ITGA9: variants seen among roughly 807,000 people sequenced by gnomAD.
ITGA9 encodes integrin alpha-9.
In ITGA9, 56 loss-of-function variants were observed where a neutral mutation model predicts 127.8. That is an observed-to-expected ratio of 0.44 (90% CI 0.35 to 0.55). ITGA9 has a LOEUF of 0.55. Ranked by LOEUF, ITGA9 falls within the 20% of genes least tolerant of loss-of-function variation. The pLI is 0.00. For missense variants in ITGA9, 1,196 were observed against 1,347.1 expected, an observed-to-expected ratio of 0.89 and a Z score of 1.76; for synonymous variants, 508 against 514.5, an observed-to-expected ratio of 0.99 and a Z score of 0.17.
At chr3:37,705,246 G>A (rs1440524504) in intron 18 of ITGA9, among the ~76,000 whole-genome samples, 1 of 152,160 alleles carries the variant, frequency 6.6e-6, no homozygotes, top group African/African-American at 2.4e-5. Flanking sequence ...GAAAATAGAG[G>A]ATTTTTAATG....
intron 23 of ITGA9, among the ~76,000 whole-genome samples, chr3:37,770,538 C>A (rs1039082987): frequency 6.6e-6 from 1 of 152,154 alleles, no homozygotes; most frequent in Admixed American, 6.5e-5. Context: ...TCCTCCAAGC[C>A]GTTTATCTGA....
intron 1 of ITGA9, among the ~76,000 whole-genome samples, chr3:37,465,500 T>C (rs761357925): frequency 2.0e-5 from 3 of 152,132 alleles, no homozygotes; most frequent in Non-Finnish European, 4.4e-5. Context: ...CCAACATCTC[T>C]GAATGGAAAA....
chr3:37,503,254 C>T lies in ITGA9; in HGVS notation c.689C>T (p.Thr230Ile). The T allele has an allele frequency of 1.2e-6, 2 of 1,614,074 alleles. No homozygotes were observed. Among genetic ancestry groups the T allele is most frequent in the Non-Finnish European group, 1.7e-6 (2 of 1,180,000 alleles). The change falls in exon 6 of 28, where the codon ACC becomes ATC. Residue 230 changes from threonine (T) to isoleucine (I), a missense_variant. Coordinates refer to ENST00000264741, the MANE Select transcript of ITGA9 (RefSeq NM_002207.3). ...AAAGTGCTGAACCTTACGGACAACA[C>T]CTATTTAAAACTGAACGACGAAGTG... is the stretch of plus-strand genomic sequence containing the variant. ...TIKVLNLTDN[T>I]YLKLNDEVIM...
Position 37,518,026 on chromosome 3 carries a change from G to C in ITGA9, c.1141+417G>C, listed in dbSNP as rs155523. On this transcript the variant is annotated intron_variant, in intron 10 of 27. Coordinates refer to ENST00000264741, the MANE Select transcript of ITGA9 (RefSeq NM_002207.3). ...GTTGATGGGGAAATGAGTGAGGAGAGAATTAGAAACCCAGACATCTTCTGC... is the reference window on the plus strand; with the variant it reads ...GTTGATGGGGAAATGAGTGAGGAGACAATTAGAAACCCAGACATCTTCTGC... 2.6e-5 allele frequency among the ~76,000 whole-genome samples: 4 copies of C among 151,908 alleles called. No homozygotes were observed. The South Asian group carries it at 8.3e-4, about 32-fold the overall frequency.
At position 37,542,558 on chromosome 3, in the gene ITGA9, G is replaced by T. The variant is rs17827605; in HGVS notation, c.1662G>T (p.Thr554=). ...TGCAGCTGACTTACATGGAGGAGAC[G>T]TGTCGTCACTATGTGGCCCATGTGA... ...EKLQLTYMEE[T]CRHYVAHVKR... is the part of the protein sequence containing the mutation. Residue 554 remains threonine (T), a synonymous_variant, in exon 15 of 28, where the codon ACG becomes ACT. Coordinates refer to ENST00000264741, the MANE Select transcript of ITGA9 (RefSeq NM_002207.3). 2 of 1,614,160 alleles carry T rather than the reference G, an allele frequency of 1.2e-6. No homozygotes were observed. Among genetic ancestry groups the T allele is most frequent in the Non-Finnish European group, 1.7e-6 (2 of 1,180,026 alleles).
chr3:37,547,204 C>T (rs961574150), intron 15 of ITGA9, among the ~76,000 whole-genome samples: 1 of 151,424 alleles, frequency 6.6e-6, no homozygotes, highest in Non-Finnish European at 1.5e-5. Flanking sequence ...ACAAAACAAT[C>T]TACACTAGAC....
In ITGA9 at chr3:37,562,481, G is replaced by A. The variant is rs569486615; in HGVS notation, c.1689+19896G>A. On this transcript the variant is annotated intron_variant, in intron 15 of 27. Transcript: ENST00000264741. ...AACCATGCCCCCTCCCCGCTGCCCC[G>A]AAAGATCAGGGAAAATAAGAAGAAA... is the stretch of plus-strand genomic sequence containing the variant. Among the ~76,000 whole-genome samples, 12 of 152,212 alleles carry A rather than the reference G, an allele frequency of 7.9e-5. No individual in the cohort carries two copies. The South Asian group carries it at 8.3e-4, about 11-fold the overall frequency.
intron 23 of ITGA9, among the ~76,000 whole-genome samples, chr3:37,763,692 T>G (rs1049349649): frequency 6.6e-6 from 1 of 152,230 alleles, no homozygotes; most frequent in Non-Finnish European, 1.5e-5. Context: ...TGCAGCCAGC[T>G]TATTGGAGCT....
intron 15 of ITGA9, among the ~76,000 whole-genome samples, chr3:37,600,144 C>T (rs1699903650): frequency 1.3e-5 from 2 of 152,162 alleles, no homozygotes; most frequent in Admixed American, 1.3e-4. Context: ...CCTTAACATC[C>T]TAACATTATA....
At chr3:37,604,071 C>T (rs1699945971) in intron 15 of ITGA9, among the ~76,000 whole-genome samples, 1 of 152,234 alleles carries the variant, frequency 6.6e-6, no homozygotes, top group South Asian at 2.1e-4. Context: ...GCAAGCACTT[C>T]TATCAGATGC....
At chr3:37,523,315 G>A (rs192911861) in intron 11 of ITGA9, among the ~76,000 whole-genome samples, 9 of 151,920 alleles carry the variant, frequency 5.9e-5, no homozygotes, top group Non-Finnish European at 8.8e-5. Context: ...AAATGATGAC[G>A]TTTGGCCAAG....
At chr3:37,486,532 A>C (rs1170747326) in intron 4 of ITGA9, among the ~76,000 whole-genome samples, 1 of 152,122 alleles carries the variant, frequency 6.6e-6, no homozygotes, top group Non-Finnish European at 1.5e-5. Flanking sequence ...AGAAAATGTA[A>C]ATTTTCTAAT....
chr3:37,628,009 T>C (rs1575172934), intron 15 of ITGA9, among the ~76,000 whole-genome samples: 6 of 152,290 alleles, frequency 3.9e-5, no homozygotes, highest in Admixed American at 3.9e-4. Context: ...CTGGGGCCTT[T>C]AGAACCTCTA....
chr3:37,452,532 T>C lies in ITGA9; in HGVS notation c.158T>C (p.Leu53Pro). ...GACTCGTTCTTCGGCTACGCAGTTC[T>C]GGAGCATTTCCACGACAACACGCGC... ...PADSFFGYAVLEHFHDNTRWV... is the reference protein window; with the variant it reads ...PADSFFGYAVPEHFHDNTRWV... Residue 53 changes from leucine (L) to proline (P), a missense_variant, in exon 1 of 28, where the codon CTG becomes CCG. Transcript: ENST00000264741. This position sits in a 1 kb window ranked among gnomAD's most constrained non-coding sequence, Gnocchi z 7.3. 1 of 1,528,590 alleles carries C rather than the reference T, an allele frequency of 6.5e-7. No homozygotes were observed. The highest frequency in any genetic ancestry group is 8.8e-7 in the Non-Finnish European group (1 of 1,137,870). 94.7% of individuals were successfully genotyped at this position (1,528,590 alleles called of 1,614,324 possible). A position where few individuals can be genotyped will look rare whatever the true frequency, so the allele number is the denominator to read the frequency against.
chr3:37,468,930 GTTTGAAGTCTCATTGTCCAAGACCTT>G (rs1335061254), intron 1 of ITGA9, among the ~76,000 whole-genome samples: 1 of 152,232 alleles, frequency 6.6e-6, no homozygotes, highest in Non-Finnish European at 1.5e-5. Context: ...TGTGGATTTT[GTTTGAAGTCTCATTGTCCAAGACCTT>G]TTCCAAATGG....
rs1579066073 is a variant in ITGA9, at chr3:37,498,189, T to C, written c.612+3621T>C. On this transcript the variant is annotated intron_variant, in intron 5 of 27. Coordinates refer to ENST00000264741, the MANE Select transcript of ITGA9 (RefSeq NM_002207.3). ...GCTTTCAGACACAGGGAGTGTGCGA[T>C]GTTTTTAGAGGACGTTTGGACTTAG... Among the ~76,000 whole-genome samples, 6 of 152,292 alleles carry C rather than the reference T, an allele frequency of 3.9e-5. No homozygotes were observed. In the South Asian group the frequency reaches 1.2e-3, roughly 32 times the overall value.
At chr3:37,662,647 T>C (rs1461671746) in intron 17 of ITGA9, among the ~76,000 whole-genome samples, 1 of 152,172 alleles carries the variant, frequency 6.6e-6, no homozygotes, top group African/African-American at 2.4e-5. Context: ...TTATGAGAGA[T>C]GTTGTGCTGA....
intron 1 of ITGA9, among the ~76,000 whole-genome samples, chr3:37,463,647 A>G (rs938116904): frequency 2.0e-5 from 3 of 152,198 alleles, no homozygotes; most frequent in Non-Finnish European, 2.9e-5. Context: ...GACTACATCA[A>G]GAGGAGGCAG....
chr3:37,477,384 G>A (rs1473630874), intron 3 of ITGA9, among the ~76,000 whole-genome samples: 1 of 152,198 alleles, frequency 6.6e-6, no homozygotes, highest in Non-Finnish European at 1.5e-5. Context: ...AATGGGGCGT[G>A]AAATGTCTCA....
Sources: gnomAD v4.1 joint callset for allele counts (sites outside exome capture counted in the v4.1 genomes callset) on GRCh38, gnomAD v4.1.1 for gene constraint, Gnocchi (gnomAD v3.1) non-coding constraint, MANE v1.5 for transcripts, NCBI Gene and HGNC (gene_info 2026-07-23, HGNC 2026-07-21) for gene names.